Variants in NLRP12 observed in about 807,000 individuals in gnomAD.
NLRP12 encodes the protein NACHT, LRR and PYD domains-containing protein 12.
Under a neutral mutation model 91.2 loss-of-function variants are expected in NLRP12, and 108 were observed. The observed-to-expected ratio is 1.18, with a 90% CI of 1.01 to 1.39. The LOEUF (loss-of-function observed/expected upper bound fraction) is 1.39. NLRP12 is among the 40% of genes most tolerant of loss of function. The pLI is 0.00. For missense variants in NLRP12, 1,530 were observed against 1,352.7 expected (o/e 1.13, Z -2.06); for synonymous variants, 613 against 566.7 (o/e 1.08, Z -1.16).
At chr19:53,820,348 G>A (rs1044913854) in intron 1 of NLRP12, among the ~76,000 whole-genome samples, 1 of 152,042 alleles carries the variant, frequency 6.6e-6, no homozygotes, top group Non-Finnish European at 1.5e-5. Context: ...TGACCAACAC[G>A]GTGAAACCCC....
intron 1 of NLRP12, among the ~76,000 whole-genome samples, chr19:53,820,712 G>A (rs2092253472): frequency 6.7e-6 from 1 of 148,994 alleles, no homozygotes; most frequent in African/African-American, 2.5e-5. Context: ...TTTTGAGACG[G>A]AGTCTTGCAC....
intron 1 of NLRP12, among the ~76,000 whole-genome samples, chr19:53,818,452 G>A (rs1381913360): frequency 1.3e-5 from 2 of 152,044 alleles, no homozygotes; most frequent in African/African-American, 4.8e-5. Context: ...TGGATCATGA[G>A]GTCAGGAGAT....
intron 9 of NLRP12, among the ~76,000 whole-genome samples, chr19:53,795,107 C>CTGTGTGTGTGTGTGTGT (rs1555792119): frequency 1.1e-4 from 9 of 85,444 alleles, no homozygotes; most frequent in African/African-American, 4.3e-4. Context: ...CTGGTGTGTG[C>CTGTGTGTGTGTGTGTGT]GTGTGTGTGT....
intron 4 of NLRP12, among the ~76,000 whole-genome samples, chr19:53,806,745 C>T (rs957562585): frequency 2.1e-5 from 3 of 143,160 alleles, no homozygotes; most frequent in Non-Finnish European, 4.5e-5. Context: ...GTTTTCCCAG[C>T]TACTCGTGAT....
chr19:53,821,234 C>CA (rs1249389621), intron 1 of NLRP12, among the ~76,000 whole-genome samples: 6 of 151,750 alleles, frequency 4.0e-5, no homozygotes, highest in Admixed American at 3.9e-4. Flanking sequence ...GACAGGGTTT[C>CA]ACCATGTTGG....
At chr19:53,803,612 C>G (rs1239869792) in intron 6 of NLRP12, 2 of 362,640 alleles carry the variant, frequency 5.5e-6, no homozygotes, top group Non-Finnish European at 1.1e-5. Flanking sequence ...CTCACTCTGT[C>G]ACCGTGGCTG....
chr19:53,804,336 T>C (rs969982725), intron 5 of NLRP12, among the ~76,000 whole-genome samples: 2 of 151,808 alleles, frequency 1.3e-5, no homozygotes, highest in African/African-American at 4.8e-5. Flanking sequence ...GGAATACATG[T>C]GTGCACCACC....
At chr19:53,802,368 C>A (rs372727768) in intron 6 of NLRP12, among the ~76,000 whole-genome samples, 41 of 152,046 alleles carry the variant, frequency 2.7e-4, no homozygotes, top group African/African-American at 9.6e-4. Context: ...ATGAAAACCA[C>A]GATAAGATAG....
At chr19:53,795,578 T>G (rs79200831) in intron 9 of NLRP12, among the ~76,000 whole-genome samples, 79,269 of 147,606 alleles carry the variant, frequency 0.54, 21,704 homozygotes, top group South Asian at 0.62. Context: ...GTTTCGCCAT[T>G]TTAGCCAGGA....
chr19:53,796,676 G>A (rs1030022352), intron 8 of NLRP12, among the ~76,000 whole-genome samples: 4 of 150,376 alleles, frequency 2.7e-5, no homozygotes, highest in Admixed American at 6.7e-5. Context: ...GAGCCACTAC[G>A]CCCAGCCTCT....
intron 1 of NLRP12, among the ~76,000 whole-genome samples, chr19:53,823,453 T>TATATTTTAAAATA (rs1416985778): frequency 1.8e-3 from 41 of 22,348 alleles, no homozygotes; most frequent in Non-Finnish European, 4.2e-3. Flanking sequence ...GTTTTAAATA[T>TATATTTTAAAATA]ATATTTTAAA....
Position 53,809,988 on chromosome 19 carries a change from T to C in NLRP12, c.1671A>G (p.Ala557=), listed in dbSNP as rs567181061. 6.2e-7 allele frequency: 1 copy of C among 1,613,928 alleles called. No individual in the cohort carries two copies. The highest frequency in any genetic ancestry group is 1.1e-5 in the South Asian group (1 of 91,074). The change falls in exon 3 of 10, where the codon GCA becomes GCG. Residue 557 remains alanine (A), a synonymous_variant. Coordinates refer to ENST00000324134, the MANE Select transcript of NLRP12 (RefSeq NM_144687.4). ...EYAFSERSFL[A]LTSRFLFGLL... Reference sequence around the variant, plus strand: ...GTCCAAACAGGAAGCGGCTGGTGAGTGCCAGGAAGCTCCTTTCAGAAAACG... The same window carrying C: ...GTCCAAACAGGAAGCGGCTGGTGAGCGCCAGGAAGCTCCTTTCAGAAAACG...
chr19:53,813,299 CTTTTTTTTTT>C (rs1160039078), intron 2 of NLRP12, among the ~76,000 whole-genome samples: 4 of 86,034 alleles, frequency 4.6e-5, no homozygotes, highest in Admixed American at 2.9e-4. Context: ...TTTTTCTTTT[CTTTTTTTTTT>C]TTTTTTTTTT....
intron 1 of NLRP12, among the ~76,000 whole-genome samples, chr19:53,820,643 A>C (rs1021523030): frequency 2.6e-5 from 4 of 152,040 alleles, no homozygotes; most frequent in African/African-American, 9.7e-5. Flanking sequence ...CAGGAGTTTG[A>C]GTCTAGCCTG....
chr19:53,815,900 G>A (rs549472426), intron 1 of NLRP12, among the ~76,000 whole-genome samples: 8 of 151,900 alleles, frequency 5.3e-5, no homozygotes, highest in Admixed American at 2.0e-4. Flanking sequence ...GTGAGCCACT[G>A]CGCCTGGCGA....
rs1568703260 is a variant in NLRP12 at position 53,823,498 on chromosome 19, A to AAAATATATATTTTAAAACATAT, written c.289+387_289+388insATATGTTTTAAAATATATATTT. 9.3e-3 allele frequency among the ~76,000 whole-genome samples: 524 copies of AAAATATATATTTTAAAACATAT among 56,454 alleles called. 13 individuals carry two copies. Among genetic ancestry groups the AAAATATATATTTTAAAACATAT allele is most frequent in the Admixed American group, 0.031 (144 of 4,622 alleles). 37.0% of individuals were successfully genotyped at this position (56,454 alleles called of 152,430 possible). On this transcript the variant is annotated intron_variant, in intron 1 of 9. Transcript: ENST00000324134. The stretch of plus-strand genomic sequence containing the variant: ...AAAATATATATTTTAAAATATATTT[A>AAAATATATATTTTAAAACATAT]TTTAAAATATATATTTAAAACATAT...
chr19:53,819,330 C>T (rs1020211289), intron 1 of NLRP12, among the ~76,000 whole-genome samples: 2 of 147,414 alleles, frequency 1.4e-5, no homozygotes, highest in Non-Finnish European at 3.0e-5. Context: ...CTGCAACCTC[C>T]GCCTCCCGGG....
chr19:53,802,543 TAA>T (rs2122577782), intron 6 of NLRP12, among the ~76,000 whole-genome samples: 1 of 151,458 alleles, frequency 6.6e-6, no homozygotes, highest in East Asian at 2.0e-4. Flanking sequence ...CCGTCTCTAC[TAA>T]AAATACAAAA....
chr19:53,823,844 C>A (rs764646197), intron 1 of NLRP12, 42 bp downstream of exon 1: 2 of 1,610,716 alleles, frequency 1.2e-6, no homozygotes, highest in South Asian at 1.1e-5. Flanking sequence ...GTCACTGGAC[C>A]CGGCTGGCAT....
Sources: allele counts gnomAD v4.1 joint callset (sites outside exome capture counted in the v4.1 genomes callset), GRCh38; gene constraint gnomAD v4.1.1; transcripts MANE v1.5; gene names NCBI Gene and HGNC (gene_info 2026-07-23, HGNC 2026-07-21).